Variants in CHAF1A observed in about 807,000 individuals in gnomAD.
CHAF1A encodes CAF-1 subunit A.
In CHAF1A, 5 loss-of-function variants were observed where a neutral mutation model predicts 93.2. The observed-to-expected ratio is 0.05, with a 90% CI of 0.03 to 0.11. The LOEUF is 0.11. CHAF1A is among the 10% of genes least tolerant of loss of function. The pLI is 1.00. For missense variants in CHAF1A, 1,102 were observed against 1,259.9 expected (o/e 0.87, Z 1.90); for synonymous variants, 504 against 510.3 (o/e 0.99, Z 0.17).
intron 13 of CHAF1A, among the ~76,000 whole-genome samples, chr19:4,438,938 C>T (rs929482495): frequency 2.6e-5 from 4 of 151,680 alleles, no homozygotes; most frequent in Admixed American, 1.3e-4. Flanking sequence ...GCCGAGATCG[C>T]GCCACTGCAC....
downstream of CHAF1A, chr19:4,447,606 G>C (rs2145173399): frequency 2.5e-6 from 4 of 1,613,954 alleles, 1 homozygote; most frequent in Middle Eastern, 3.3e-4. Flanking sequence ...TCGGGGTGCA[G>C]GTGGATGTTG....
In CHAF1A at chr19:4,430,617, G is replaced by A; in HGVS notation, c.1923G>A (p.Leu641=). 1 of 1,613,778 alleles carries A rather than the reference G, an allele frequency of 6.2e-7. No homozygotes were observed. Among genetic ancestry groups the A allele is most frequent in the Non-Finnish European group, 8.5e-7 (1 of 1,179,946 alleles). The change falls in exon 11 of 15, where the codon CTG becomes CTA. Residue 641 remains leucine, a synonymous_variant. Coordinates refer to ENST00000301280, the MANE Select transcript of CHAF1A (RefSeq NM_005483.3). ...GTTTCTTTGTGCCCCATGGGTACCTGTCTGAGGACGAAGGTGTGACAGAGG... is the reference window on the plus strand; with the variant it reads ...GTTTCTTTGTGCCCCATGGGTACCTATCTGAGGACGAAGGTGTGACAGAGG... ...DDGFFVPHGY[L]SEDEGVTEEC...
At chr19:4,441,172 C>T (rs1337024010) in intron 13 of CHAF1A, among the ~76,000 whole-genome samples, 2 of 151,852 alleles carry the variant, frequency 1.3e-5, no homozygotes, top group Admixed American at 6.6e-5. Flanking sequence ...CAAAAATTAG[C>T]CGGGTGTGGT....
At chr19:4,444,324 C>G (rs74172642), downstream of CHAF1A, among the ~76,000 whole-genome samples, 76 of 152,246 alleles carry the variant, frequency 5.0e-4, no homozygotes, top group Admixed American at 2.0e-3. Context: ...CACATGCCTT[C>G]CACACTGCAG....
chr19:4,410,850 G>A (rs1599639745), intron 3 of CHAF1A, among the ~76,000 whole-genome samples: 1 of 152,094 alleles, frequency 6.6e-6, no homozygotes, highest in Non-Finnish European at 1.5e-5. Flanking sequence ...GACCCCATCT[G>A]GAACCATTTT....
chr19:4,402,830 C>G lies in CHAF1A; in HGVS notation c.52+16C>G. The G allele has an allele frequency of 1.7e-6, 2 of 1,199,678 alleles. No individual in the cohort carries two copies. The highest frequency in any genetic ancestry group is 2.1e-6 in the Non-Finnish European group (2 of 966,448). The allele number at this position is 1,199,678 out of a possible 1,614,324, so 74.3% of individuals were successfully genotyped here. On this transcript the variant is annotated intron_variant, in intron 1 of 14. Transcript: ENST00000301280. ...GCCGCCACAGGTCGGTTCGGGCCCG[C>G]GCCGAGGGGAAGGGGGGGCGCGGCG...
At chr19:4,448,465 C>A (rs368092631), downstream of CHAF1A, 7 of 1,456,896 alleles carry the variant, frequency 4.8e-6, no homozygotes, top group African/African-American at 5.6e-5. Context: ...CCGGGCCGCA[C>A]GGCCCTCCGC....
At chr19:4,446,319 G>C, downstream of CHAF1A, 1 of 1,573,980 alleles carries the variant, frequency 6.4e-7, no homozygotes, top group Admixed American at 1.8e-5. Flanking sequence ...CGCACGCGCA[G>C]CAGCGTGTAG....
intron 3 of CHAF1A, among the ~76,000 whole-genome samples, chr19:4,412,740 T>C (rs1345608168): frequency 6.6e-6 from 1 of 152,220 alleles, no homozygotes; most frequent in African/African-American, 2.4e-5. Flanking sequence ...ACGCTAGATC[T>C]TGTTCTGAAC....
chr19:4,437,973 C>A (rs1193249663), intron 13 of CHAF1A, among the ~76,000 whole-genome samples: 1 of 152,102 alleles, frequency 6.6e-6, no homozygotes, highest in East Asian at 1.9e-4. Flanking sequence ...GATCTCCTGA[C>A]CTTGTGATCT....
Position 4,431,992 on chromosome 19 carries a change from T to A in CHAF1A, c.1988T>A (p.Leu663Gln), listed in dbSNP as rs1210600747. Reference sequence around the variant, plus strand: ...GAGAACCATAAGGTCCGCCAGAAACTGAAGGCCAAGGAGTGGGACGAGTTC... The same window carrying A: ...GAGAACCATAAGGTCCGCCAGAAACAGAAGGCCAAGGAGTGGGACGAGTTC... ...DPENHKVRQK[L>Q]KAKEWDEFLA... Residue 663 changes from leucine (L) to glutamine (Q), a missense_variant, in exon 12 of 15, where the codon CTG (leucine) becomes CAG (glutamine). This residue lies in a region of CHAF1A where 335 missense variants were observed against 361.9 expected (regional missense o/e 0.93). Transcript: ENST00000301280. 1.2e-6 allele frequency: 2 copies of A among 1,612,868 alleles called. No homozygotes were observed. Among genetic ancestry groups the A allele is most frequent in the African/African-American group, 2.7e-5 (2 of 74,730 alleles).
rs1219523537 is a variant in CHAF1A, at chr19:4,402,828, C to T, written c.52+14C>T. The T allele has an allele frequency of 8.3e-7, 1 of 1,199,776 alleles. No individual in the cohort carries two copies. Among genetic ancestry groups the T allele is most frequent in the Non-Finnish European group, 1.0e-6 (1 of 966,706 alleles). The allele number at this position is 1,199,776 out of a possible 1,614,324, so 74.3% of individuals were successfully genotyped here. On this transcript the variant is annotated intron_variant, in intron 1 of 14. Coordinates refer to ENST00000301280, the MANE Select transcript of CHAF1A (RefSeq NM_005483.3). Reference sequence around the variant, plus strand: ...GAGCCGCCACAGGTCGGTTCGGGCCCGCGCCGAGGGGAAGGGGGGGCGCGG... The same window carrying T: ...GAGCCGCCACAGGTCGGTTCGGGCCTGCGCCGAGGGGAAGGGGGGGCGCGG...
chr19:4,404,818 C>CAAAG (rs370474569), intron 1 of CHAF1A, among the ~76,000 whole-genome samples: 1 of 151,814 alleles, frequency 6.6e-6, no homozygotes, highest in Non-Finnish European at 1.5e-5. Context: ...TTTATGATCA[C>CAAAG]TGCTGCATCT....
At chr19:4,435,424 G>A (rs1974266370) in intron 13 of CHAF1A, among the ~76,000 whole-genome samples, 1 of 151,708 alleles carries the variant, frequency 6.6e-6, no homozygotes. Context: ...CTAGTCTGTA[G>A]TGCAGTGGCG....
chr19:4,405,153 GATTT>G (rs1325181084), intron 1 of CHAF1A, among the ~76,000 whole-genome samples: 1 of 152,140 alleles, frequency 6.6e-6, no homozygotes, highest in African/African-American at 2.4e-5. Context: ...TTGGCTTTCT[GATTT>G]ATTCCAGACC....
At position 4,422,900 on chromosome 19, in the gene CHAF1A, C is replaced by T; in HGVS notation, c.1247+105C>T. On this transcript the variant is annotated intron_variant, in intron 5 of 14. Transcript: ENST00000301280. The surrounding 1 kb of genome is among the most constrained non-coding windows in gnomAD (Gnocchi z 4.6). ...CACTTCACAGGCAGATGGCGGCTCC[C>T]TTCAGTTCCTTCCCATTTCTCCTTC... 9.5e-7 allele frequency: 1 copy of T among 1,051,574 alleles called. No individual in the cohort carries two copies. 65.1% of individuals were successfully genotyped at this position (1,051,574 alleles called of 1,614,324 possible).
chr19:4,435,087 CT>C (rs869255408), intron 13 of CHAF1A, among the ~76,000 whole-genome samples: 2,193 of 87,896 alleles, frequency 0.025, 4 homozygotes, highest in Non-Finnish European at 0.033. Flanking sequence ...CTTTTTTTTC[CT>C]TTTTTTTTTT....
chr19:4,432,960 C>T (rs1256630484), intron 12 of CHAF1A, 110 bp from the exon 13 acceptor site: 3 of 874,348 alleles, frequency 3.4e-6, no homozygotes, highest in Non-Finnish European at 3.4e-6. Flanking sequence ...CCGAAGCTGG[C>T]CATGCCCCAA....
chr19:4,444,444 A>G (rs2145162351), downstream of CHAF1A: 1 of 152,378 alleles, frequency 6.6e-6, no homozygotes, highest in Admixed American at 6.5e-5. Context: ...CCGCCAGGCT[A>G]ACATCAAGCT....
Sources: allele counts gnomAD v4.1 joint callset (sites outside exome capture counted in the v4.1 genomes callset), GRCh38; gene constraint gnomAD v4.1.1; regional missense constraint gnomAD v4.1.1; non-coding constraint Gnocchi (gnomAD v3.1); transcripts MANE v1.5; gene names NCBI Gene and HGNC (gene_info 2026-07-23, HGNC 2026-07-21).